The following CERS6 variants were observed in gnomAD, a reference collection of about 807,000 sequenced individuals.
The protein encoded by CERS6 is LAG1 homolog, ceramide synthase 6.
A neutral mutation model predicts 56.8 loss-of-function variants in CERS6; 26 were observed. That is an observed-to-expected ratio of 0.46 (90% CI 0.34 to 0.63). The LOEUF (loss-of-function observed/expected upper bound fraction) is 0.63, where lower values mean the gene tolerates loss of function less well. CERS6 is among the 30% of genes least tolerant of loss of function. CERS6 has a pLI of 0.01. For missense variants in CERS6, 415 were observed against 467.5 expected (o/e 0.89, Z 1.04); for synonymous variants, 164 against 173.3 (o/e 0.95, Z 0.42).
At chr2:168,622,333 C>A (rs1684492177) in intron 3 of CERS6, among the ~76,000 whole-genome samples, 1 of 152,244 alleles carries the variant, frequency 6.6e-6, no homozygotes, top group Admixed American at 6.5e-5. Flanking sequence ...GCATTCAAAG[C>A]CGTCCTGGCC....
intron 8 of CERS6, among the ~76,000 whole-genome samples, chr2:168,756,136 A>G (rs1684410980): frequency 6.6e-6 from 1 of 152,200 alleles, no homozygotes. Context: ...GGGAGGTTTC[A>G]GAGCCATTTC....
chr2:168,733,986 G>A (rs971908020), intron 8 of CERS6, among the ~76,000 whole-genome samples: 2 of 152,134 alleles, frequency 1.3e-5, no homozygotes, highest in Admixed American at 1.3e-4. Flanking sequence ...ATTACCAGTC[G>A]CTGTGAAATT....
chr2:168,494,592 T>C (rs1381621992), intron 1 of CERS6, among the ~76,000 whole-genome samples: 1 of 152,024 alleles, frequency 6.6e-6, no homozygotes, highest in African/African-American at 2.4e-5. Context: ...GTGAGCTGAG[T>C]GTGTCCTGCT....
intron 8 of CERS6, among the ~76,000 whole-genome samples, chr2:168,731,983 A>G (rs1032455789): frequency 2.0e-5 from 3 of 152,226 alleles, no homozygotes; most frequent in African/African-American, 7.2e-5. Flanking sequence ...TAAGTCTACA[A>G]TATATCGGAG....
At chr2:168,683,689 C>T (rs1202500217) in intron 4 of CERS6, among the ~76,000 whole-genome samples, 2 of 152,128 alleles carry the variant, frequency 1.3e-5, no homozygotes, top group Non-Finnish European at 2.9e-5. Flanking sequence ...CTCCCTAATT[C>T]CTGTTCTAAA....
intron 8 of CERS6, among the ~76,000 whole-genome samples, chr2:168,763,818 GTC>G (rs1460243268): frequency 6.6e-6 from 1 of 152,136 alleles, no homozygotes; most frequent in Non-Finnish European, 1.5e-5. Flanking sequence ...TTTCTTGTGT[GTC>G]TCCAAACCAT....
At chr2:168,639,093 A>G (rs1684929036) in intron 4 of CERS6, among the ~76,000 whole-genome samples, 1 of 152,218 alleles carries the variant, frequency 6.6e-6, no homozygotes, top group Non-Finnish European at 1.5e-5. Flanking sequence ...TCACTTAAAT[A>G]TGATTTTCAT....
chr2:168,763,870 G>A (rs1025243489), intron 8 of CERS6, among the ~76,000 whole-genome samples: 7 of 152,154 alleles, frequency 4.6e-5, no homozygotes, highest in African/African-American at 1.7e-4. Flanking sequence ...GAGTAAGAAT[G>A]ATTCCAAAAT....
chr2:168,619,763 A>G (rs556120632), intron 3 of CERS6, among the ~76,000 whole-genome samples: 1 of 152,056 alleles, frequency 6.6e-6, no homozygotes, highest in African/African-American at 2.4e-5. Flanking sequence ...GTGGGAATGT[A>G]AACTATTATA....
intron 7 of CERS6, 36 bp from the exon 8 acceptor site, chr2:168,717,836 A>G: frequency 1.3e-6 from 2 of 1,490,560 alleles, no homozygotes; most frequent in East Asian, 2.3e-5. Flanking sequence ...TTATCAGTTT[A>G]ACTACATTAA....
chr2:168,588,947 C>T (rs1178878969), intron 3 of CERS6, among the ~76,000 whole-genome samples: 1 of 152,166 alleles, frequency 6.6e-6, no homozygotes, highest in Non-Finnish European at 1.5e-5. Flanking sequence ...GCCATGTTGC[C>T]CAGGCTGGTC....
rs200491116 is a variant in CERS6, at chr2:168,691,021, T to A, written c.466-13T>A. The stretch of plus-strand genomic sequence containing the variant: ...TCTAAAATATGTAAAATATTTTTTG[T>A]CATTTTTTTCAGACCCCCTGGTTGT... On this transcript the variant is annotated splice_polypyrimidine_tract_variant and intron_variant, in intron 4 of 9. Transcript: ENST00000305747. The A allele has an allele frequency of 6.2e-7, 1 of 1,611,248 alleles. No homozygotes were observed. Among genetic ancestry groups the A allele is most frequent in the African/African-American group, 1.3e-5 (1 of 74,940 alleles).
chr2:168,608,304 A>G (rs770881841), intron 3 of CERS6, among the ~76,000 whole-genome samples: 10 of 152,228 alleles, frequency 6.6e-5, no homozygotes, highest in Non-Finnish European at 1.3e-4. Flanking sequence ...CTTTTTGGCT[A>G]CTATGAATAA....
chr2:168,736,428 G>A (rs1318195895), intron 8 of CERS6, among the ~76,000 whole-genome samples: 2 of 152,072 alleles, frequency 1.3e-5, no homozygotes, highest in African/African-American at 4.8e-5. Flanking sequence ...CTGGGCTCAA[G>A]GGATCCTCCT....
chr2:168,689,266 A>C (rs1485979686), intron 4 of CERS6, among the ~76,000 whole-genome samples: 2 of 152,188 alleles, frequency 1.3e-5, no homozygotes, highest in African/African-American at 4.8e-5. Flanking sequence ...GAGATAATCA[A>C]CTTTATCAGA....
At chr2:168,500,157 C>G (rs914105620) in intron 1 of CERS6, among the ~76,000 whole-genome samples, 4 of 152,142 alleles carry the variant, frequency 2.6e-5, no homozygotes, top group Non-Finnish European at 5.9e-5. Flanking sequence ...ACAAGCTTTC[C>G]AAAATCCATT....
intron 8 of CERS6, among the ~76,000 whole-genome samples, chr2:168,724,814 T>G (rs1683296623): frequency 1.3e-5 from 2 of 152,360 alleles, no homozygotes; most frequent in African/African-American, 4.8e-5. Flanking sequence ...CCCACCAGAC[T>G]CAGGAGCCCA....
intron 5 of CERS6, among the ~76,000 whole-genome samples, chr2:168,693,451 G>A (rs1039851650): frequency 1.3e-5 from 2 of 152,072 alleles, no homozygotes; most frequent in Non-Finnish European, 2.9e-5. Context: ...TGATGTGGAA[G>A]TAAGAGAATA....
In CERS6 at chr2:168,596,047, A is replaced by G. The variant is rs182466622; in HGVS notation, c.407+34725A>G. Among the ~76,000 whole-genome samples the G allele has an allele frequency of 5.0e-3, 762 of 151,338 alleles. 10 individuals carry two copies. The highest frequency in any genetic ancestry group is 0.017 in the African/African-American group (712 of 41,266). Reference sequence around the variant, plus strand: ...GAGGATCATGTGAGCCCAGGAGTTCAAGACCAGCCTGGGCAACAAAGCGAG... The same window carrying G: ...GAGGATCATGTGAGCCCAGGAGTTCGAGACCAGCCTGGGCAACAAAGCGAG... On this transcript the variant is annotated intron_variant, in intron 3 of 9. Transcript: ENST00000305747.
Sources: allele counts gnomAD v4.1 joint callset (sites outside exome capture counted in the v4.1 genomes callset), GRCh38; gene constraint gnomAD v4.1.1; transcripts MANE v1.5; gene names NCBI Gene and HGNC (gene_info 2026-07-23, HGNC 2026-07-21).